TNRC6C: variants seen among roughly 807,000 people sequenced by gnomAD.
The protein encoded by TNRC6C is trinucleotide repeat containing adaptor 6C, also known as trinucleotide repeat-containing gene 6C protein.
In TNRC6C, 20 loss-of-function variants were observed where a neutral mutation model predicts 153.7. The ratio of observed to expected loss-of-function variants is 0.13; its 90% CI spans 0.09 to 0.19. The LOEUF (loss-of-function observed/expected upper bound fraction) is 0.19. TNRC6C is among the 10% of genes least tolerant of loss of function. The probability of loss-of-function intolerance (pLI) is 1.00; values close to 1 mark genes in which losing one functional copy is unlikely to be tolerated. For missense variants in TNRC6C, 1,987 were observed against 2,172.0 expected (o/e 0.91, Z 1.69); for synonymous variants, 811 against 841.4 (o/e 0.96, Z 0.63).
intron 1 of TNRC6C, among the ~76,000 whole-genome samples, chr17:77,980,735 C>A (rs1028727065): frequency 6.6e-6 from 1 of 152,198 alleles, no homozygotes; most frequent in Admixed American, 6.5e-5. Flanking sequence ...CCCACCACCC[C>A]TCTTTGGGTT....
chr17:78,009,747 G>C (rs1263825442), intron 1 of TNRC6C, among the ~76,000 whole-genome samples: 1 of 152,088 alleles, frequency 6.6e-6, no homozygotes, highest in Admixed American at 6.5e-5. Context: ...TAGAGACAGG[G>C]TTTCACCATG....
At chr17:78,044,616 C>T (rs534591445) in intron 2 of TNRC6C, among the ~76,000 whole-genome samples, 166 of 152,312 alleles carry the variant, frequency 1.1e-3, no homozygotes, top group African/African-American at 3.4e-3. Flanking sequence ...GTTATTGTTT[C>T]AATTGAGTTG....
chr17:78,038,026 A>C (rs1236826668), intron 2 of TNRC6C, among the ~76,000 whole-genome samples: 3 of 152,226 alleles, frequency 2.0e-5, no homozygotes, highest in African/African-American at 7.2e-5. Flanking sequence ...TCACTGAGAA[A>C]ATAGTGGTTC....
At chr17:78,057,203 T>C (rs74934233) in intron 3 of TNRC6C, among the ~76,000 whole-genome samples, 2 of 152,204 alleles carry the variant, frequency 1.3e-5, no homozygotes, top group Admixed American at 6.5e-5. Context: ...TTTATAACAT[T>C]AATCTCTTTT....
Position 78,067,947 on chromosome 17 carries a change from G to T in TNRC6C, c.2778+24G>T, listed in dbSNP as rs189833363. 11 of 1,576,482 alleles carry T rather than the reference G, an allele frequency of 7.0e-6. No individual in the cohort carries two copies. The East Asian group carries it at 9.1e-5, about 13-fold the overall frequency. Reference sequence around the variant, plus strand: ...AGGTAAGTACAACACTCTTAACGACGGTACACCCTGAAAACCAAAGGTACT... The same window carrying T: ...AGGTAAGTACAACACTCTTAACGACTGTACACCCTGAAAACCAAAGGTACT... On this transcript the variant is annotated intron_variant, in intron 5 of 19. Coordinates refer to ENST00000301624, the Ensembl canonical transcript of TNRC6C.
chr17:78,050,320 C>T lies in TNRC6C; in HGVS notation c.1258C>T (p.Arg420Ter). Residue 420 changes from arginine to a stop codon, truncating the protein, a stop_gained, in exon 3 of 20, where the codon CGA (arginine) becomes TGA (stop). Coordinates refer to ENST00000301624, the Ensembl canonical transcript of TNRC6C. LOFTEE classifies it high-confidence loss of function. ...TGGGAGGGAAGGAACGGGAGAAGGC[C>T]GAAGGCGAGATAAAGGGATTATAGA... 1 of 1,583,344 alleles carries T rather than the reference C, an allele frequency of 6.3e-7. No homozygotes were observed. The highest frequency in any genetic ancestry group is 8.6e-7 in the Non-Finnish European group (1 of 1,164,600).
At chr17:78,009,520 C>G (rs1275860626) in intron 1 of TNRC6C, among the ~76,000 whole-genome samples, 1 of 152,048 alleles carries the variant, frequency 6.6e-6, no homozygotes, top group Admixed American at 6.5e-5. Flanking sequence ...ACCTTCATGA[C>G]CCATTATGGT....
rs539785587 is a variant in TNRC6C at position 77,996,568 on chromosome 17, G to A, written c.-37-7602G>A. ...CATGCTCACCCCTTGGTCAGGGGACGGCAAAGCACTGAGATACCAGGCTGC... is the reference window on the plus strand; with the variant it reads ...CATGCTCACCCCTTGGTCAGGGGACAGCAAAGCACTGAGATACCAGGCTGC... On this transcript the variant is annotated intron_variant, in intron 1 of 22. Transcript: ENST00000636222. Among the ~76,000 whole-genome samples the A allele has an allele frequency of 2.6e-5, 4 of 152,158 alleles. No homozygotes were observed. In the East Asian group the frequency reaches 5.8e-4, roughly 22 times the overall value.
chr17:78,058,056 A>G (rs1399349565), intron 3 of TNRC6C, among the ~76,000 whole-genome samples: 1 of 152,210 alleles, frequency 6.6e-6, no homozygotes, highest in Non-Finnish European at 1.5e-5. Flanking sequence ...CCTTTTTATC[A>G]GAAATTGTAG....
At chr17:78,009,529 GT>G (rs1418477822) in intron 1 of TNRC6C, among the ~76,000 whole-genome samples, 1 of 152,050 alleles carries the variant, frequency 6.6e-6, no homozygotes, top group Non-Finnish European at 1.5e-5. Flanking sequence ...ACCCATTATG[GT>G]TCATGGTCCA....
intron 11 of TNRC6C, among the ~76,000 whole-genome samples, chr17:78,083,853 A>G (rs760027222): frequency 3.3e-5 from 5 of 152,176 alleles, no homozygotes; most frequent in Non-Finnish European, 7.3e-5. Context: ...TGATTTTACT[A>G]TAATTGCCAT....
chr17:78,079,344 T>C lies in TNRC6C; in HGVS notation c.3211-51T>C. 2.5e-6 allele frequency: 4 copies of C among 1,599,618 alleles called. No homozygotes were observed. Among genetic ancestry groups the C allele is most frequent in the East Asian group, 2.2e-5 (1 of 44,508 alleles). ...ATCATTTCACCCTACCTCCAAACAA[T>C]GTTACTCTAATGCCTGCCTTGGTAA... On this transcript the variant is annotated intron_variant, in intron 9 of 19. Transcript: ENST00000301624. The surrounding 1 kb of genome is among the most constrained non-coding windows in gnomAD (Gnocchi z 4.3).
chr17:78,026,493 T>C (rs992694642), intron 1 of TNRC6C, among the ~76,000 whole-genome samples: 8 of 152,266 alleles, frequency 5.3e-5, no homozygotes, highest in Admixed American at 2.6e-4. Context: ...TTGTCAGTTA[T>C]AATATGCATC....
At chr17:78,004,379 G>C (rs1332468072), upstream of TNRC6C, 21 of 1,165,942 alleles carry the variant, frequency 1.8e-5, no homozygotes, top group South Asian at 4.4e-4. Context: ...AAATCAATAT[G>C]CCAAGTCTAT....
intron 3 of TNRC6C, among the ~76,000 whole-genome samples, chr17:78,061,358 T>C (rs1252699090): frequency 3.9e-5 from 6 of 152,218 alleles, no homozygotes; most frequent in African/African-American, 1.4e-4. Context: ...GTACTTAAAA[T>C]CATTTTCTGT....
At chr17:77,979,684 G>A (rs1264648769) in intron 1 of TNRC6C, among the ~76,000 whole-genome samples, 1 of 152,104 alleles carries the variant, frequency 6.6e-6, no homozygotes, top group African/African-American at 2.4e-5. Context: ...AATAACTTGA[G>A]AATCTTCCAA....
rs567715034 is a variant in TNRC6C, at chr17:78,100,029, T to C, written c.4501+1492T>C. Among the ~76,000 whole-genome samples, 11 of 152,362 alleles carry C rather than the reference T, an allele frequency of 7.2e-5. 3 individuals are homozygous for C. The highest frequency in any genetic ancestry group is 2.6e-4 in the African/African-American group (11 of 41,586). ...TCAAAGCTCCAAAATGATCTTTGAC[T>C]TCATATCTCGCATCTGGGTCATGCT... On this transcript the variant is annotated intron_variant, in intron 17 of 19. Transcript: ENST00000301624.
chr17:77,997,025 A>G (rs1277659876), intron 1 of TNRC6C, among the ~76,000 whole-genome samples: 1 of 152,214 alleles, frequency 6.6e-6, no homozygotes, highest in African/African-American at 2.4e-5. Flanking sequence ...ATGGAAGAAG[A>G]TAATATAGAA....
At chr17:78,061,704 A>G (rs551326778) in intron 3 of TNRC6C, among the ~76,000 whole-genome samples, 89 of 152,310 alleles carry the variant, frequency 5.8e-4, no homozygotes, top group Non-Finnish European at 1.0e-3. Flanking sequence ...AAATATCAAA[A>G]TGGAAATATT....
Sources: gnomAD v4.1 joint callset for allele counts (sites outside exome capture counted in the v4.1 genomes callset) on GRCh38, gnomAD v4.1.1 for gene constraint, Gnocchi (gnomAD v3.1) non-coding constraint, MANE v1.5 for transcripts, NCBI Gene and HGNC (gene_info 2026-07-23, HGNC 2026-07-21) for gene names.